The following PPIC variants were observed in gnomAD, a reference collection of about 807,000 sequenced individuals.
The protein encoded by PPIC is peptidyl-prolyl cis-trans isomerase C.
Under a neutral mutation model 19.5 loss-of-function variants are expected in PPIC, and 19 were observed. That is an observed-to-expected ratio of 0.98 (90% CI 0.68 to 1.43). PPIC has a LOEUF of 1.43. Among genes scored for constraint, PPIC ranks in the 40% most tolerant of loss-of-function variants. The pLI is 0.00. For synonymous variants in PPIC, 107 were observed against 101.2 expected, an observed-to-expected ratio of 1.06 and a Z score of -0.34; for missense variants, 268 against 268.6, an observed-to-expected ratio of 1.00 and a Z score of 0.02.
In PPIC at chr5:123,023,838, C is replaced by CG. The variant is rs776662400; in HGVS notation, c.*36_*37insC. 7.6e-7 allele frequency: 1 copy of CG among 1,311,146 alleles called. No homozygotes were observed. Among genetic ancestry groups the CG allele is most frequent in the Non-Finnish European group, 1.1e-6 (1 of 945,316 alleles). 81.2% of individuals were successfully genotyped at this position (1,311,146 alleles called of 1,614,324 possible). ...CACACACACACACACACACACACAC[C>CG]CCTGCCAAAGCATATCCTTGTTTTC... On this transcript the variant is annotated 3_prime_UTR_variant, in exon 5 of 5. Coordinates refer to ENST00000306442, the MANE Select transcript of PPIC (RefSeq NM_000943.5).
intron 4 of PPIC, among the ~76,000 whole-genome samples, chr5:123,024,929 TATTG>T (rs1282769393): frequency 5.3e-5 from 8 of 152,096 alleles, no homozygotes; most frequent in Non-Finnish European, 1.0e-4. Flanking sequence ...AAGGCAGAAA[TATTG>T]AGAAAGAAAG....
chr5:123,025,011 C>T (rs924629046), intron 4 of PPIC, among the ~76,000 whole-genome samples: 2 of 152,120 alleles, frequency 1.3e-5, no homozygotes, highest in Admixed American at 6.6e-5. Context: ...CTTTGAGACC[C>T]AACAGTATAG....
intron 1 of PPIC, among the ~76,000 whole-genome samples, chr5:123,033,229 T>A (rs1301115629): frequency 6.6e-6 from 1 of 152,228 alleles, no homozygotes; most frequent in Non-Finnish European, 1.5e-5. Flanking sequence ...CACTAACAAG[T>A]GACTTCTGAA....
rs760764529 is a variant in PPIC at position 123,023,937 on chromosome 5, T to C, written c.577A>G (p.Ile193Val). Reference sequence around the variant, plus strand: ...ACGTCTATCTTGCCACTGTTGATGATCGAGCAGTTGGTGAGTGGACGGTCA... The same window carrying C: ...ACGTCTATCTTGCCACTGTTGATGACCGAGCAGTTGGTGAGTGGACGGTCA... The part of the protein sequence containing the change: ...GHDRPLTNCS[I>V]INSGKIDVKT... The change falls in exon 5 of 5, where the codon ATC becomes GTC. Residue 193 changes from isoleucine (I) to valine (V), a missense_variant. Coordinates refer to ENST00000306442, the MANE Select transcript of PPIC (RefSeq NM_000943.5). The C allele has an allele frequency of 1.6e-5, 26 of 1,614,000 alleles. No individual in the cohort carries two copies.
rs769148368 is a variant in PPIC at position 123,036,337 on chromosome 5, G to A, written c.117+172C>T. ...CCCCAGGGTCTCCCCCGGAGCGCCG[G>A]CCTCCCAGCACGCGAGCAGCCCCCT... On this transcript the variant is annotated intron_variant, in intron 1 of 4. Transcript: ENST00000306442. This position sits in a 1 kb window ranked among gnomAD's most constrained non-coding sequence, Gnocchi z 4.5. 1.1e-4 allele frequency: 71 copies of A among 620,670 alleles called. No individual in the cohort carries two copies. Among genetic ancestry groups the A allele is most frequent in the Non-Finnish European group, 1.7e-4 (59 of 356,360 alleles). 38.4% of individuals were successfully genotyped at this position (620,670 alleles called of 1,614,324 possible). A position where few individuals can be genotyped will look rare whatever the true frequency, so the allele number is the denominator to read the frequency against.
rs45567137 is a variant in PPIC at position 123,036,075 on chromosome 5, C to T, written c.117+434G>A. Reference sequence around the variant, plus strand: ...CACGCAGCGGGCGGGCGGCTGCAAGCCCTGGGCTCCGAGCGCCTCTCCTGT... The same window carrying T: ...CACGCAGCGGGCGGGCGGCTGCAAGTCCTGGGCTCCGAGCGCCTCTCCTGT... On this transcript the variant is annotated intron_variant, in intron 1 of 4. Coordinates refer to ENST00000306442, the MANE Select transcript of PPIC (RefSeq NM_000943.5). The surrounding 1 kb of genome is among the most constrained non-coding windows in gnomAD (Gnocchi z 4.5). Among the ~76,000 whole-genome samples the T allele has an allele frequency of 1.9e-3, 284 of 152,286 alleles. 2 individuals carry two copies. Among genetic ancestry groups the T allele is most frequent in the Non-Finnish European group, 2.1e-3 (143 of 68,014 alleles).
chr5:123,029,195 G>C (rs774993813), intron 2 of PPIC, 110 bp downstream of exon 2: 2 of 1,571,604 alleles, frequency 1.3e-6, no homozygotes, highest in Non-Finnish European at 1.7e-6. Context: ...GTCAAATGTG[G>C]TAAGGTTCAT....
chr5:123,029,893 T>A (rs1762921146), intron 1 of PPIC, among the ~76,000 whole-genome samples: 1 of 152,250 alleles, frequency 6.6e-6, no homozygotes, highest in African/African-American at 2.4e-5. Context: ...TTTATTTTTT[T>A]AAATTTCAAA....
chr5:123,029,656 C>T (rs1762917980), intron 1 of PPIC, among the ~76,000 whole-genome samples: 1 of 152,098 alleles, frequency 6.6e-6, no homozygotes, highest in African/African-American at 2.4e-5. Context: ...AGGCACTGTA[C>T]CAGGTATTGA....
chr5:123,035,068 C>A (rs192446938), intron 1 of PPIC, among the ~76,000 whole-genome samples: 11 of 152,306 alleles, frequency 7.2e-5, no homozygotes, highest in African/African-American at 2.4e-4. Flanking sequence ...CGCTGCTGCT[C>A]ACCCCTCCAA....
In PPIC at chr5:123,025,875, T is replaced by C; in HGVS notation, c.419A>G (p.Asp140Gly). 1 of 1,614,140 alleles carries C rather than the reference T, an allele frequency of 6.2e-7. No individual in the cohort carries two copies. Among genetic ancestry groups the C allele is most frequent in the Non-Finnish European group, 8.5e-7 (1 of 1,180,040 alleles). ...GWVSMANAGP[D>G]TNGSQFFITL... ...GATAAAGAACTGAGAGCCATTGGTG[T>C]CAGGCCCAGCGTTGGCCATGCTGAC... The change falls in exon 4 of 5, where the codon GAC becomes GGC. Residue 140 changes from aspartate (D) to glycine (G), a missense_variant. By Grantham distance (94) the Asp-to-Gly change is moderately conservative. Coordinates refer to ENST00000306442, the MANE Select transcript of PPIC (RefSeq NM_000943.5).
intron 2 of PPIC, 32 bp downstream of exon 2, chr5:123,029,273 C>A: frequency 6.2e-7 from 1 of 1,614,008 alleles, no homozygotes; most frequent in Non-Finnish European, 8.5e-7. Flanking sequence ...AGAAAGAAGA[C>A]CCAATTTAAA....
chr5:123,033,532 A>C (rs917653593), intron 1 of PPIC, among the ~76,000 whole-genome samples: 2 of 152,208 alleles, frequency 1.3e-5, no homozygotes, highest in Non-Finnish European at 2.9e-5. Context: ...TGAGGCTGTC[A>C]CCAGATGCCC....
At chr5:123,029,884 T>C (rs1048766112) in intron 1 of PPIC, among the ~76,000 whole-genome samples, 2 of 152,154 alleles carry the variant, frequency 1.3e-5, no homozygotes, top group African/African-American at 4.8e-5. Context: ...CCATCAAAAT[T>C]TATTTTTTTA....
intron 1 of PPIC, among the ~76,000 whole-genome samples, chr5:123,030,316 A>G (rs901818997): frequency 6.6e-6 from 1 of 152,240 alleles, no homozygotes; most frequent in Non-Finnish European, 1.5e-5. Context: ...TCACTGTGTT[A>G]AGATGATTCT....
chr5:123,030,377 CGT>C (rs1475301885), intron 1 of PPIC, among the ~76,000 whole-genome samples: 1 of 152,002 alleles, frequency 6.6e-6, no homozygotes, highest in Admixed American at 6.5e-5. Context: ...TCTATTAGCG[CGT>C]TTAGATTATA....
At chr5:123,028,940 G>T in intron 2 of PPIC, 72 bp from the exon 3 acceptor site, 1 of 1,299,216 alleles carries the variant, frequency 7.7e-7, no homozygotes, top group Middle Eastern at 1.9e-4. Context: ...TGTTGATCTA[G>T]AAAGGACAAA....
intron 1 of PPIC, among the ~76,000 whole-genome samples, chr5:123,034,021 C>T (rs917320513): frequency 6.3e-4 from 96 of 152,264 alleles, no homozygotes; most frequent in African/African-American, 2.2e-3. Flanking sequence ...GATCTGTGGA[C>T]CAAGTTAGTG....
Position 123,036,660 on chromosome 5 carries a change from G to C in PPIC, c.-35C>G. ...TGGCAGCGGCGCTACCGGCACGGGC[G>C]CTACCGGCACGGGCGCGACACAGGC... On this transcript the variant is annotated 5_prime_UTR_variant, in exon 1 of 5. Coordinates refer to ENST00000306442, the MANE Select transcript of PPIC (RefSeq NM_000943.5). The surrounding 1 kb of genome is among the most constrained non-coding windows in gnomAD (Gnocchi z 4.5). 2.0e-6 allele frequency: 3 copies of C among 1,530,436 alleles called. No individual in the cohort carries two copies. The highest frequency in any genetic ancestry group is 2.7e-6 in the Non-Finnish European group (3 of 1,130,186). The allele number at this position is 1,530,436 out of a possible 1,614,324, so 94.8% of individuals were successfully genotyped here.
Sources: allele counts gnomAD v4.1 joint callset (sites outside exome capture counted in the v4.1 genomes callset), GRCh38; gene constraint gnomAD v4.1.1; non-coding constraint Gnocchi (gnomAD v3.1); transcripts MANE v1.5; gene names NCBI Gene and HGNC (gene_info 2026-07-23, HGNC 2026-07-21).